Variants in FOXO3 observed in about 807,000 individuals in gnomAD.
FOXO3 encodes the protein forkhead box protein O3.
FOXO3 carries 4 observed loss-of-function variants against 41.9 expected under a neutral mutation model. That is an observed-to-expected ratio of 0.10 (90% confidence interval 0.05 to 0.22). FOXO3 has a LOEUF of 0.22. Among genes scored for constraint, FOXO3 ranks in the 10% least tolerant of loss-of-function variants. The pLI is 1.00. For synonymous variants in FOXO3, 318 were observed against 389.3 expected (o/e 0.82, Z 2.16); for missense variants, 534 against 906.8 (o/e 0.59, Z 5.28).
At chr6:108,604,774 T>A (rs1264367024) in intron 1 of FOXO3, among the ~76,000 whole-genome samples, 1 of 152,116 alleles carries the variant, frequency 6.6e-6, no homozygotes, top group Non-Finnish European at 1.5e-5. Context: ...TTTTTAAGTA[T>A]TTGAAGGATT....
intron 1 of FOXO3, among the ~76,000 whole-genome samples, chr6:108,608,375 GA>G (rs1399691051): frequency 6.6e-6 from 1 of 152,190 alleles, no homozygotes; most frequent in Admixed American, 6.5e-5. Context: ...TTCTGCCAAA[GA>G]GGCTAATTTC....
At chr6:108,618,073 G>A in intron 1 of FOXO3, 5 of 734,704 alleles carry the variant, frequency 6.8e-6, no homozygotes, top group South Asian at 6.8e-5. Context: ...CTGTACAGGT[G>A]TGTCTTTTTC....
intron 1 of FOXO3, among the ~76,000 whole-genome samples, chr6:108,584,389 G>A (rs960189091): frequency 2.0e-5 from 3 of 152,118 alleles, no homozygotes; most frequent in Non-Finnish European, 4.4e-5. Context: ...AAGTATTACT[G>A]TAATCAAAGA....
At chr6:108,574,215 A>C (rs1464166866) in intron 1 of FOXO3, among the ~76,000 whole-genome samples, 1 of 151,912 alleles carries the variant, frequency 6.6e-6, no homozygotes, top group African/African-American at 2.4e-5. Flanking sequence ...GAGAGTAGGA[A>C]TGGCTTGAGA....
chr6:108,597,731 T>A (rs1776926005), intron 1 of FOXO3, among the ~76,000 whole-genome samples: 1 of 152,242 alleles, frequency 6.6e-6, no homozygotes, highest in African/African-American at 2.4e-5. Flanking sequence ...TAGACCTGTA[T>A]GTGGCTGTGT....
intron 1 of FOXO3, among the ~76,000 whole-genome samples, chr6:108,590,949 A>C (rs1776717335): frequency 1.3e-5 from 2 of 152,182 alleles, no homozygotes; most frequent in African/African-American, 2.4e-5. Flanking sequence ...GAGGCCCAGC[A>C]CTTGGTGGTG....
chr6:108,569,435 A>ACC (rs916041431), intron 1 of FOXO3, among the ~76,000 whole-genome samples: 5 of 152,220 alleles, frequency 3.3e-5, no homozygotes, highest in African/African-American at 9.6e-5. Context: ...ACTGTGATGT[A>ACC]CCACTCTTGG....
chr6:108,672,719 C>T (rs993789799), intron 2 of FOXO3, among the ~76,000 whole-genome samples: 1 of 151,704 alleles, frequency 6.6e-6, no homozygotes, highest in African/African-American at 2.4e-5. Flanking sequence ...CTCTCTCTCC[C>T]TCCCTCTCCC....
chr6:108,645,066 C>T (rs185677791), intron 1 of FOXO3, among the ~76,000 whole-genome samples: 24 of 152,296 alleles, frequency 1.6e-4, no homozygotes, highest in African/African-American at 5.5e-4. Flanking sequence ...TCCACCACCA[C>T]TCTGGCCCTG....
At position 108,656,392 on chromosome 6, in the gene FOXO3, C is replaced by T. The variant is rs1003961639; in HGVS notation, c.622-7063C>T. 46 of 985,224 alleles carry T rather than the reference C, an allele frequency of 4.7e-5. 1 individual carries two copies. The highest frequency in any genetic ancestry group is 5.2e-4 in the Middle Eastern group (1 of 1,914). The allele number at this position is 985,224 out of a possible 1,614,324, so 61.0% of individuals were successfully genotyped here. On this transcript the variant is annotated intron_variant, in intron 1 of 2. Transcript: ENST00000406360. ...TAAACATGGTTTGGAAGGGCTGAAGCGGACGTAGGGTACAAAATTTAAGAA... is the reference window on the plus strand; with the variant it reads ...TAAACATGGTTTGGAAGGGCTGAAGTGGACGTAGGGTACAAAATTTAAGAA...
At chr6:108,581,718 T>C (rs1025930720) in intron 1 of FOXO3, among the ~76,000 whole-genome samples, 10 of 152,214 alleles carry the variant, frequency 6.6e-5, no homozygotes, top group African/African-American at 2.2e-4. Flanking sequence ...AGTTCAGCAT[T>C]ATGAATCATT....
chr6:108,642,412 TAA>T (rs1778285647), intron 1 of FOXO3, among the ~76,000 whole-genome samples: 2 of 152,042 alleles, frequency 1.3e-5, no homozygotes. Context: ...GAAGTATACT[TAA>T]GAGAGTTTTT....
At chr6:108,574,849 T>G (rs1254869162) in intron 1 of FOXO3, among the ~76,000 whole-genome samples, 1 of 152,208 alleles carries the variant, frequency 6.6e-6, no homozygotes, top group Non-Finnish European at 1.5e-5. Context: ...GGAAAAAAAT[T>G]ACAGAACTCT....
At chr6:108,607,559 G>A (rs1404724541) in intron 1 of FOXO3, among the ~76,000 whole-genome samples, 2 of 151,630 alleles carry the variant, frequency 1.3e-5, no homozygotes. Context: ...AAATGGAATT[G>A]TAAAATGTGC....
At chr6:108,640,505 CATT>C (rs1350237817) in intron 1 of FOXO3, among the ~76,000 whole-genome samples, 6 of 152,120 alleles carry the variant, frequency 3.9e-5, no homozygotes, top group African/African-American at 1.4e-4. Flanking sequence ...TCTACATCAT[CATT>C]GACAAAAATG....
Position 108,609,066 on chromosome 6 carries a change from G to A in FOXO3, c.621+47237G>A, listed in dbSNP as rs547127271. Among the ~76,000 whole-genome samples the A allele has an allele frequency of 2.2e-4, 34 of 152,328 alleles. No homozygotes were observed. In the South Asian group the frequency reaches 7.0e-3, roughly 32 times the overall value. ...TGGTTGGTTTCGCCTTAATCCAAAT[G>A]AACAGTTACCAGAGGACATGATGTA... On this transcript the variant is annotated intron_variant, in intron 1 of 2. Transcript: ENST00000406360.
intron 1 of FOXO3, among the ~76,000 whole-genome samples, chr6:108,607,286 T>A (rs968424750): frequency 8.6e-5 from 13 of 152,012 alleles, no homozygotes; most frequent in Admixed American, 7.9e-4. Context: ...GCCCCATCTC[T>A]ACTAAAACAA....
At chr6:108,597,720 G>A (rs1014707861) in intron 1 of FOXO3, among the ~76,000 whole-genome samples, 1 of 152,112 alleles carries the variant, frequency 6.6e-6, no homozygotes, top group Non-Finnish European at 1.5e-5. Context: ...AACTCATACT[G>A]TAGACCTGTA....
chr6:108,617,795 T>TA lies in FOXO3; in HGVS notation c.622-45650dup, dbSNP rs990766978. Among the ~76,000 whole-genome samples, 1,410 of 150,154 alleles carry TA rather than the reference T, an allele frequency of 9.4e-3. 19 individuals are homozygous for TA. The highest frequency in any genetic ancestry group is 0.031 in the African/African-American group (1,292 of 41,110). ...TCAATCAAAACATACCGTTGGCTGT[T>TA]AAAAAAAAAATGCAGTGTGCTTGTG... is the stretch of plus-strand genomic sequence containing the variant. On this transcript the variant is annotated intron_variant, in intron 1 of 2. Coordinates refer to ENST00000406360, the MANE Select transcript of FOXO3 (RefSeq NM_001455.4).
Sources: allele counts gnomAD v4.1 joint callset (sites outside exome capture counted in the v4.1 genomes callset), GRCh38; gene constraint gnomAD v4.1.1; transcripts MANE v1.5; gene names NCBI Gene and HGNC (gene_info 2026-07-23, HGNC 2026-07-21).